HDAC8: variants seen among roughly 807,000 people sequenced by gnomAD.
HDAC8 encodes the protein histone deacetylase 8, also known as histone deacetylase-like 1.
In HDAC8, 1 loss-of-function variant was observed where a neutral mutation model predicts 32.2. The ratio of observed to expected loss-of-function variants is 0.03; its 90% CI spans 0.01 to 0.15. The LOEUF is 0.15. Among genes scored for constraint, HDAC8 ranks in the 10% least tolerant of loss-of-function variants. The pLI is 1.00. For synonymous variants in HDAC8, 108 were observed against 113.9 expected (o/e 0.95, Z 0.33); for missense variants, 117 against 300.0 (o/e 0.39, Z 4.51).
rs1267628265 is a variant in HDAC8 at position 72,567,875 on chromosome X, G to C, written c.437+14C>G. The C allele has an allele frequency of 8.3e-7, 1 of 1,211,593 alleles. No individual in the cohort carries two copies. Among genetic ancestry groups the C allele is most frequent in the Non-Finnish European group, 1.1e-6 (1 of 895,382 alleles). ...CAAGGAAAGAGTCAGAAAACAGAAA[G>C]GTCATTTTCTTACTTCTTTGCATGA... On this transcript the variant is annotated intron_variant, in intron 4 of 10. Coordinates refer to ENST00000373573, the MANE Select transcript of HDAC8 (RefSeq NM_018486.3).
chrX:72,475,287 A>G lies in HDAC8; in HGVS notation c.738-10556T>C, dbSNP rs1251069390. Among the ~76,000 whole-genome samples the G allele has an allele frequency of 2.7e-5, 3 of 112,321 alleles. No individual in the cohort carries two copies. In the South Asian group the frequency reaches 1.1e-3, roughly 42 times the overall value. On this transcript the variant is annotated intron_variant, in intron 7 of 10. Transcript: ENST00000373573. ...AAAATATTTGCTACTAACGCTTTGA[A>G]TTCTCAATGTCAGCCTGAGAAAAGT...
At position 72,441,644 on chromosome X, in the gene HDAC8, G is replaced by A. The variant is rs988481229; in HGVS notation, c.1005+20360C>T. Among the ~76,000 whole-genome samples the A allele has an allele frequency of 3.5e-4, 39 of 112,180 alleles. 1 individual carries two copies. The highest frequency in any genetic ancestry group is 1.1e-3 in the African/African-American group (33 of 30,865). ...GCAGAGTGCCTCTCCTCCTCCAAAG[G>A]AACACAGTTTCTCACCAGCAAAGGA... On this transcript the variant is annotated intron_variant, in intron 9 of 10. Transcript: ENST00000373573.
intron 9 of HDAC8, among the ~76,000 whole-genome samples, chrX:72,399,483 C>A (rs2045849705): frequency 8.9e-6 from 1 of 112,353 alleles, no homozygotes; most frequent in African/African-American, 3.2e-5. Context: ...TTAGAACCAG[C>A]TTGTCAAATT....
intron 9 of HDAC8, among the ~76,000 whole-genome samples, chrX:72,387,920 C>T (rs1448539802): frequency 7.3e-5 from 8 of 110,299 alleles, no homozygotes; most frequent in African/African-American, 2.3e-4. Context: ...ATTATAGGAT[C>T]GCAGGGAAAG....
At chrX:72,389,478 T>C (rs1473595850) in intron 9 of HDAC8, among the ~76,000 whole-genome samples, 1 of 112,002 alleles carries the variant, frequency 8.9e-6, no homozygotes, top group Non-Finnish European at 1.9e-5. Flanking sequence ...TTACTAGCCC[T>C]GATAAGAGCA....
At chrX:72,532,622 T>C (rs1185696898) in intron 4 of HDAC8, among the ~76,000 whole-genome samples, 1 of 110,257 alleles carries the variant, frequency 9.1e-6, no homozygotes, top group Non-Finnish European at 1.9e-5. Flanking sequence ...TGATGACTAA[T>C]GATGCTGAAC....
At chrX:72,541,756 G>A (rs781994798) in intron 4 of HDAC8, among the ~76,000 whole-genome samples, 21 of 111,320 alleles carry the variant, frequency 1.9e-4, no homozygotes, top group Non-Finnish European at 4.0e-4. Context: ...GTGAACGAAA[G>A]GAGTCAAGGG....
intron 9 of HDAC8, among the ~76,000 whole-genome samples, chrX:72,434,227 T>C (rs1020461605): frequency 2.1e-4 from 24 of 111,766 alleles, no homozygotes; most frequent in Non-Finnish European, 4.0e-4. Flanking sequence ...GTCTTACTTT[T>C]CTCATTGGTA....
intron 4 of HDAC8, among the ~76,000 whole-genome samples, chrX:72,505,488 A>G (rs1419028356): frequency 5.4e-5 from 6 of 111,566 alleles, no homozygotes; most frequent in Non-Finnish European, 9.4e-5. Flanking sequence ...TTACTGATGG[A>G]TAGGCAAACT....
intron 4 of HDAC8, among the ~76,000 whole-genome samples, chrX:72,543,116 T>C (rs2050757267): frequency 9.0e-6 from 1 of 111,713 alleles, no homozygotes; most frequent in Non-Finnish European, 1.9e-5. Context: ...CTATGTTGTA[T>C]GCTGAAGGCT....
chrX:72,563,872 A>C (rs1556127172), intron 4 of HDAC8, among the ~76,000 whole-genome samples: 1 of 111,701 alleles, frequency 9.0e-6, no homozygotes, highest in African/African-American at 3.3e-5. Flanking sequence ...AATTCTGTTA[A>C]ATTTAGGCTT....
chrX:72,458,117 C>T (rs1354408921), intron 9 of HDAC8, among the ~76,000 whole-genome samples: 1 of 111,945 alleles, frequency 8.9e-6, no homozygotes. Flanking sequence ...CTAAATTTGC[C>T]ATGTACTGGT....
rs782279093 is a variant in HDAC8 at position 72,427,822 on chromosome X, CA to C, written c.1005+34181del. On this transcript the variant is annotated intron_variant, in intron 9 of 10. Coordinates refer to ENST00000373573, the MANE Select transcript of HDAC8 (RefSeq NM_018486.3). ...GAAAGGTGATTAGAGCACATGCAGC[CA>C]AAAAAATGTAGGAAAAAAGTACTAT... is the stretch of plus-strand genomic sequence containing the variant. Among the ~76,000 whole-genome samples, 4 of 109,967 alleles carry C rather than the reference CA, an allele frequency of 3.6e-5. No homozygotes were observed. In the South Asian group the frequency reaches 1.6e-3, roughly 43 times the overall value.
intron 7 of HDAC8, chrX:72,473,710 G>A: frequency 9.3e-6 from 7 of 754,135 alleles, no homozygotes; most frequent in Non-Finnish European, 1.1e-5. Flanking sequence ...TACTATGTCA[G>A]CCACTTTACC....
At chrX:72,489,667 A>T (rs1420353111) in intron 6 of HDAC8, among the ~76,000 whole-genome samples, 1 of 110,888 alleles carries the variant, frequency 9.0e-6, no homozygotes, top group Non-Finnish European at 1.9e-5. Flanking sequence ...AAACCTAGGC[A>T]TCACCATTCA....
chrX:72,482,602 TGGG>T, intron 7 of HDAC8, among the ~76,000 whole-genome samples: 1 of 107,123 alleles, frequency 9.3e-6, no homozygotes, highest in Non-Finnish European at 1.9e-5. Context: ...GTTTCTATTT[TGGG>T]GGGGGGGATT....
intron 4 of HDAC8, among the ~76,000 whole-genome samples, chrX:72,537,244 C>T (rs1011712183): frequency 4.5e-5 from 5 of 112,093 alleles, no homozygotes; most frequent in African/African-American, 1.6e-4. Context: ...AAGTATATGG[C>T]ACAGATAAAT....
At chrX:72,568,628 C>T (rs999632358) in intron 3 of HDAC8, 126 bp downstream of exon 3, 6 of 843,037 alleles carry the variant, frequency 7.1e-6, no homozygotes, top group Middle Eastern at 3.6e-4. Context: ...TTATATGTGG[C>T]TAAACCAAAA....
intron 9 of HDAC8, among the ~76,000 whole-genome samples, chrX:72,421,052 T>C (rs969476654): frequency 2.7e-5 from 3 of 111,064 alleles, no homozygotes; most frequent in African/African-American, 9.8e-5. Context: ...TCCATTACTG[T>C]CTTATTTTGT....
Sources: allele counts gnomAD v4.1 joint callset (sites outside exome capture counted in the v4.1 genomes callset), GRCh38; gene constraint gnomAD v4.1.1; transcripts MANE v1.5; gene names NCBI Gene and HGNC (gene_info 2026-07-23, HGNC 2026-07-21).